Variants in SPMIP7 observed in about 807,000 individuals in gnomAD.
SPMIP7 encodes the protein sperm microtubule inner protein 7.
the SPMIP7 span, among the ~76,000 whole-genome samples, chr7:50,155,735 C>T: frequency 1.0e-5 from 1 of 96,112 alleles, no homozygotes; most frequent in African/African-American, 3.7e-5. Context: ...TTCAGCCAGA[C>T]TTTCACATCC....
the SPMIP7 span, chr7:50,159,092 C>T: frequency 4.1e-5 from 63 of 1,551,958 alleles, no homozygotes; most frequent in Middle Eastern, 1.0e-3. Flanking sequence ...TCACCAGGCT[C>T]CCCTGTCTCG....
chr7:50,116,259 G>A, the SPMIP7 span, among the ~76,000 whole-genome samples: 2 of 152,146 alleles, frequency 1.3e-5, no homozygotes, highest in Non-Finnish European at 2.9e-5. Context: ...GGGACTACAG[G>A]CATGCACCAC....
chr7:50,134,901 C>T, the SPMIP7 span, among the ~76,000 whole-genome samples: 1 of 152,154 alleles, frequency 6.6e-6, no homozygotes, highest in South Asian at 2.1e-4. Context: ...AAAATCCACA[C>T]TCCTTGACGT....
the SPMIP7 span, among the ~76,000 whole-genome samples, chr7:50,125,627 T>C: frequency 6.0e-5 from 9 of 150,944 alleles, no homozygotes; most frequent in Non-Finnish European, 1.0e-4. Flanking sequence ...TGTATAAATA[T>C]ATATTAGAAT....
chr7:50,097,136 G>A, the SPMIP7 span, among the ~76,000 whole-genome samples: 1 of 152,208 alleles, frequency 6.6e-6, no homozygotes, highest in Non-Finnish European at 1.5e-5. Context: ...CAGCCATGGA[G>A]GCAGGTTTGA....
chr7:50,153,221 T>C, the SPMIP7 span, among the ~76,000 whole-genome samples: 13 of 152,186 alleles, frequency 8.5e-5, no homozygotes, highest in Non-Finnish European at 2.9e-5. Context: ...TTGAGCTTTG[T>C]GGTCAGGGAG....
At chr7:50,151,357 T>C in the SPMIP7 span, 2 of 1,004,834 alleles carry the variant, frequency 2.0e-6, no homozygotes, top group Non-Finnish European at 2.9e-6. Flanking sequence ...TATTTCTTTA[T>C]ATTTTTCATA....
the SPMIP7 span, among the ~76,000 whole-genome samples, chr7:50,150,361 A>C: frequency 1.3e-5 from 2 of 152,144 alleles, no homozygotes; most frequent in African/African-American, 4.8e-5. Context: ...AGATGAATGA[A>C]ATTTGCAATC....
chr7:50,129,843 C>A, the SPMIP7 span: 1 of 1,175,202 alleles, frequency 8.5e-7, no homozygotes, highest in Non-Finnish European at 1.2e-6. Flanking sequence ...ATTTCTTTTT[C>A]CTTTATGACA....
the SPMIP7 span, among the ~76,000 whole-genome samples, chr7:50,137,041 A>G: frequency 7.9e-5 from 12 of 151,874 alleles, no homozygotes; most frequent in Non-Finnish European, 1.8e-4. Flanking sequence ...GACATTTCAC[A>G]TTTTCATGCA....
chr7:50,109,000 T>A, the SPMIP7 span, among the ~76,000 whole-genome samples: 1 of 152,178 alleles, frequency 6.6e-6, no homozygotes, highest in African/African-American at 2.4e-5. Context: ...TTTAGGAAAC[T>A]TACATAAATT....
the SPMIP7 span, among the ~76,000 whole-genome samples, chr7:50,149,024 A>C: frequency 2.0e-5 from 3 of 152,150 alleles, no homozygotes; most frequent in East Asian, 5.8e-4. Flanking sequence ...GCACACCTGT[A>C]ATAGCAGCTA....
the SPMIP7 span, among the ~76,000 whole-genome samples, chr7:50,125,141 CATAT>C: frequency 3.4e-3 from 116 of 34,216 alleles, 1 homozygote; most frequent in African/African-American, 0.016. Context: ...CACACACACA[CATAT>C]ACACACATAT....
At chr7:50,150,040 C>T in the SPMIP7 span, among the ~76,000 whole-genome samples, 1 of 152,266 alleles carries the variant, frequency 6.6e-6, no homozygotes, top group Admixed American at 6.5e-5. Context: ...ACACCCCTTT[C>T]ACTAACCTCT....
the SPMIP7 span, among the ~76,000 whole-genome samples, chr7:50,119,557 C>T: frequency 2.0e-5 from 3 of 152,146 alleles, no homozygotes; most frequent in Admixed American, 1.3e-4. Context: ...AATCAGGAAA[C>T]GATTCCACTA....
chr7:50,126,703 A>G, the SPMIP7 span, among the ~76,000 whole-genome samples: 1 of 152,104 alleles, frequency 6.6e-6, no homozygotes, highest in African/African-American at 2.4e-5. Context: ...TATCTCAGGA[A>G]TGCAAATATT....
the SPMIP7 span, among the ~76,000 whole-genome samples, chr7:50,126,667 A>C: frequency 6.6e-6 from 1 of 152,068 alleles, no homozygotes; most frequent in Non-Finnish European, 1.5e-5. Flanking sequence ...ATTTATAGAA[A>C]AGATATATCC....
chr7:50,110,012 T>A, the SPMIP7 span, among the ~76,000 whole-genome samples: 1 of 152,114 alleles, frequency 6.6e-6, no homozygotes, highest in African/African-American at 2.4e-5. Context: ...TTTACTGGAT[T>A]TTTTGGTACA....
chr7:50,104,323 G>A, the SPMIP7 span: 2 of 1,520,574 alleles, frequency 1.3e-6, no homozygotes, highest in South Asian at 2.6e-5. Context: ...GGTTGGACAA[G>A]CCCTCTGAAA....
Sources: allele counts gnomAD v4.1 joint callset (sites outside exome capture counted in the v4.1 genomes callset), GRCh38; gene constraint gnomAD v4.1.1; transcripts MANE v1.5; gene names NCBI Gene and HGNC (gene_info 2026-07-23, HGNC 2026-07-21).